The following MEIKIN variants were observed in gnomAD, a reference collection of about 807,000 sequenced individuals.
MEIKIN encodes the protein meiosis-specific kinetochore protein.
In MEIKIN at chr5:131,889,723, C is replaced by A. The variant is rs576302310; in HGVS notation, c.704-10675G>T. Among the ~76,000 whole-genome samples, 38 of 152,290 alleles carry A rather than the reference C, an allele frequency of 2.5e-4. 1 individual carries two copies. In the South Asian group the frequency reaches 7.1e-3, roughly 28 times the overall value. ...TTTATTTCCTTCTTCTGCCTGATGG[C>A]CCTGACCAGAACTTCCAACACTATG... On this transcript the variant is annotated intron_variant, in intron 8 of 12. Transcript: ENST00000442687.
chr5:131,893,884 C>A (rs1004215007), intron 8 of MEIKIN, among the ~76,000 whole-genome samples: 1 of 152,152 alleles, frequency 6.6e-6, no homozygotes, highest in African/African-American at 2.4e-5. Context: ...TTTTGCTGTG[C>A]AGGAGATCTT....
At chr5:131,875,441 C>T (rs369605017) in intron 9 of MEIKIN, among the ~76,000 whole-genome samples, 3,181 of 151,950 alleles carry the variant, frequency 0.021, 111 homozygotes, top group African/African-American at 0.071. Context: ...TTACAAGGGA[C>T]GTGAAGGACC....
intron 9 of MEIKIN, among the ~76,000 whole-genome samples, chr5:131,877,998 G>A (rs562751492): frequency 2.0e-5 from 3 of 152,210 alleles, no homozygotes; most frequent in African/African-American, 7.2e-5. Context: ...CATACCATCC[G>A]CTCATTAGTT....
intron 11 of MEIKIN, among the ~76,000 whole-genome samples, chr5:131,842,373 T>C (rs1749930705): frequency 6.6e-6 from 1 of 152,172 alleles, no homozygotes; most frequent in South Asian, 2.1e-4. Context: ...GGTACTCAGG[T>C]CTTGTTGCTC....
At chr5:131,901,840 C>T (rs1440546644) in intron 8 of MEIKIN, among the ~76,000 whole-genome samples, 1 of 152,100 alleles carries the variant, frequency 6.6e-6, no homozygotes, top group Admixed American at 6.5e-5. Flanking sequence ...AAAAAAAAAT[C>T]CAAAGGGCAG....
chr5:131,917,250 T>C (rs1443115809), intron 6 of MEIKIN, among the ~76,000 whole-genome samples: 2 of 152,052 alleles, frequency 1.3e-5, no homozygotes, highest in East Asian at 1.9e-4. Context: ...ATTTTACATA[T>C]AAGAAAAAAA....
At chr5:131,862,745 A>G (rs1750309477) in intron 9 of MEIKIN, among the ~76,000 whole-genome samples, 1 of 152,186 alleles carries the variant, frequency 6.6e-6, no homozygotes, top group African/African-American at 2.4e-5. Context: ...CACCCAGGCT[A>G]GAGTGCACTA....
At chr5:131,810,249 G>T (rs2149599811) in intron 12 of MEIKIN, among the ~76,000 whole-genome samples, 1 of 152,186 alleles carries the variant, frequency 6.6e-6, no homozygotes, top group South Asian at 2.1e-4. Flanking sequence ...CCAGTTAAAG[G>T]CCGTGATTCT....
intron 8 of MEIKIN, among the ~76,000 whole-genome samples, chr5:131,882,578 T>G (rs1465664559): frequency 1.3e-5 from 2 of 152,320 alleles, no homozygotes; most frequent in South Asian, 4.1e-4. Flanking sequence ...TCATTTAAAA[T>G]GAAATAAAAT....
Position 131,807,076 on chromosome 5 carries a change from C to T in MEIKIN, c.*160G>A, listed in dbSNP as rs1186287936. ...TTCTTAACTGATTAAAAGTAAATGA[C>T]AAGAACCTCAGTAGAATTTCAACAT... On this transcript the variant is annotated 3_prime_UTR_variant, in exon 13 of 13. Transcript: ENST00000442687. 7.7e-6 allele frequency: 3 copies of T among 391,052 alleles called. No homozygotes were observed. The highest frequency in any genetic ancestry group is 4.4e-5 in the Admixed American group (1 of 22,532). 24.2% of individuals were successfully genotyped at this position (391,052 alleles called of 1,614,324 possible). A position where few individuals can be genotyped will look rare whatever the true frequency, so the allele number is the denominator to read the frequency against.
intron 8 of MEIKIN, among the ~76,000 whole-genome samples, chr5:131,908,939 T>C (rs1751288845): frequency 6.6e-6 from 1 of 152,030 alleles, no homozygotes; most frequent in South Asian, 2.1e-4. Flanking sequence ...AGCAAAAAAT[T>C]GGAAAGATAT....
At chr5:131,824,230 G>T (rs1749569686) in intron 11 of MEIKIN, among the ~76,000 whole-genome samples, 1 of 152,022 alleles carries the variant, frequency 6.6e-6, no homozygotes, top group Non-Finnish European at 1.5e-5. Flanking sequence ...GGAATAAAAT[G>T]CAGGCCAGGC....
At chr5:131,841,052 T>C (rs1403780342) in intron 11 of MEIKIN, among the ~76,000 whole-genome samples, 1 of 152,188 alleles carries the variant, frequency 6.6e-6, no homozygotes, top group Non-Finnish European at 1.5e-5. Flanking sequence ...CCTTGAAGGT[T>C]TGATTGTGGT....
intron 3 of MEIKIN, among the ~76,000 whole-genome samples, chr5:131,942,949 G>A (rs1415808208): frequency 6.6e-6 from 1 of 152,014 alleles, no homozygotes; most frequent in Non-Finnish European, 1.5e-5. Context: ...ACTACTGTGG[G>A]ATGACAGCAA....
intron 12 of MEIKIN, 50 bp downstream of exon 12, chr5:131,818,690 A>C (rs776113491): frequency 9.1e-5 from 36 of 393,688 alleles, no homozygotes; most frequent in Non-Finnish European, 1.4e-4. Context: ...TTAATGAAAA[A>C]AATGTTTTAT....
At chr5:131,814,690 G>A (rs1773068824) in intron 12 of MEIKIN, among the ~76,000 whole-genome samples, 1 of 152,210 alleles carries the variant, frequency 6.6e-6, no homozygotes, top group African/African-American at 2.4e-5. Context: ...TAATAATGAA[G>A]TGAATATAGG....
chr5:131,863,795 G>A (rs973420857), intron 9 of MEIKIN, among the ~76,000 whole-genome samples: 4 of 151,854 alleles, frequency 2.6e-5, no homozygotes, highest in African/African-American at 4.8e-5. Flanking sequence ...TCCCCATGCC[G>A]TTCTTGTGAT....
intron 5 of MEIKIN, among the ~76,000 whole-genome samples, chr5:131,932,045 A>G (rs1038868979): frequency 6.6e-6 from 1 of 151,900 alleles, no homozygotes. Flanking sequence ...ATCTTTAGAT[A>G]TTTTCTTCTG....
At chr5:131,891,729 T>C (rs560375617) in intron 8 of MEIKIN, among the ~76,000 whole-genome samples, 17 of 152,310 alleles carry the variant, frequency 1.1e-4, no homozygotes, top group African/African-American at 3.6e-4. Flanking sequence ...AAGGTTAATA[T>C]TGTTATGTGT....
Sources: allele counts gnomAD v4.1 joint callset (sites outside exome capture counted in the v4.1 genomes callset), GRCh38; gene constraint gnomAD v4.1.1; transcripts MANE v1.5; gene names NCBI Gene and HGNC (gene_info 2026-07-23, HGNC 2026-07-21).